EDNRB: variants seen among roughly 807,000 people sequenced by gnomAD.
EDNRB encodes the protein endothelin receptor type B.
Under a neutral mutation model 46.4 loss-of-function variants are expected in EDNRB, and 18 were observed. The observed-to-expected ratio is 0.39, with a 90% CI of 0.27 to 0.57. The LOEUF (loss-of-function observed/expected upper bound fraction) is 0.57, where lower values mean the gene tolerates loss of function less well. Among genes scored for constraint, EDNRB ranks in the 20% least tolerant of loss-of-function variants. The probability of loss-of-function intolerance (pLI) is 0.61; values close to 1 mark genes in which losing one functional copy is unlikely to be tolerated. For synonymous variants in EDNRB, 213 were observed against 204.9 expected, an observed-to-expected ratio of 1.04 and a Z score of -0.34; for missense variants, 434 against 537.5, an observed-to-expected ratio of 0.81 and a Z score of 1.90.
chr13:77,904,610 T>C (rs1327166923), intron 1 of EDNRB, among the ~76,000 whole-genome samples: 1 of 151,116 alleles, frequency 6.6e-6, no homozygotes, highest in East Asian at 2.1e-4. Flanking sequence ...TAGTATGTTA[T>C]ATATATATAG....
chr13:77,899,660 GC>G, intron 6 of EDNRB, 198 bp downstream of exon 6: 1 of 524,600 alleles, frequency 1.9e-6, no homozygotes. Context: ...GTAGGGAGTG[GC>G]TGACTAGGAT....
chr13:77,954,801 C>T (rs1438831392), intron 1 of EDNRB, among the ~76,000 whole-genome samples: 1 of 152,066 alleles, frequency 6.6e-6, no homozygotes, highest in Non-Finnish European at 1.5e-5. Flanking sequence ...GCCAACATGC[C>T]CAGCCAGGAT....
chr13:77,968,835 C>A (rs904987264), intron 1 of EDNRB, among the ~76,000 whole-genome samples: 4 of 152,074 alleles, frequency 2.6e-5, no homozygotes, highest in African/African-American at 9.7e-5. Flanking sequence ...TGTACTGCTC[C>A]TTAAAAATAA....
intron 1 of EDNRB, among the ~76,000 whole-genome samples, chr13:77,909,996 T>C (rs7982910): frequency 0.35 from 53,035 of 151,740 alleles, 11,241 homozygotes; most frequent in Non-Finnish European, 0.49. Context: ...CAAAAATTCC[T>C]CTCCCACCCT....
At chr13:77,955,488 T>C (rs191161918) in intron 1 of EDNRB, among the ~76,000 whole-genome samples, 2 of 152,316 alleles carry the variant, frequency 1.3e-5, no homozygotes, top group Admixed American at 1.3e-4. Context: ...ATCCCACTTG[T>C]CTATTTTGGC....
At chr13:77,975,066 T>G (rs1881847625) in intron 1 of EDNRB, among the ~76,000 whole-genome samples, 1 of 151,458 alleles carries the variant, frequency 6.6e-6, no homozygotes. Context: ...AAAATCAGAG[T>G]ATCCAGAAAT....
chr13:77,909,233 G>T (rs1879448562), intron 1 of EDNRB, among the ~76,000 whole-genome samples: 1 of 151,988 alleles, frequency 6.6e-6, no homozygotes, highest in African/African-American at 2.4e-5. Context: ...CAAGGCAAGA[G>T]AATCCAAATA....
intron 3 of EDNRB, 42 bp downstream of exon 3, chr13:77,903,114 T>A (rs768394514): frequency 8.1e-6 from 13 of 1,602,328 alleles, no homozygotes; most frequent in Non-Finnish European, 1.0e-5. Flanking sequence ...TAAATATTTA[T>A]AAGGCAAGAG....
chr13:77,924,830 T>A (rs192624420), intron 1 of EDNRB, among the ~76,000 whole-genome samples: 3 of 152,292 alleles, frequency 2.0e-5, no homozygotes, highest in Admixed American at 1.3e-4. Context: ...CGAGATCTGA[T>A]GGTTTTAAAA....
At chr13:77,930,615 T>TA (rs1163121751) in intron 1 of EDNRB, among the ~76,000 whole-genome samples, 3 of 152,202 alleles carry the variant, frequency 2.0e-5, no homozygotes, top group African/African-American at 7.2e-5. Context: ...ACAGTAGACA[T>TA]AAACCATGCA....
At chr13:77,931,744 C>CAAAAAAAAAAAAAAAAAAAAA (rs67176737) in intron 1 of EDNRB, among the ~76,000 whole-genome samples, 22 of 83,398 alleles carry the variant, frequency 2.6e-4, no homozygotes, top group East Asian at 7.0e-4. Flanking sequence ...ACTGTAGTAG[C>CAAAAAAAAAAAAAAAAAAAAA]AAAAAAAAAA....
intron 1 of EDNRB, among the ~76,000 whole-genome samples, chr13:77,967,717 G>A (rs762539870): frequency 1.3e-5 from 2 of 152,184 alleles, no homozygotes; most frequent in Non-Finnish European, 2.9e-5. Context: ...TAAAAGGCTA[G>A]TTTTTTAGTA....
At chr13:77,936,096 ATTAGGT>A (rs1880554889) in intron 1 of EDNRB, among the ~76,000 whole-genome samples, 1 of 152,096 alleles carries the variant, frequency 6.6e-6, no homozygotes, top group Non-Finnish European at 1.5e-5. Context: ...GATAAGAGTG[ATTAGGT>A]TTTAATGGGA....
intron 3 of EDNRB, 124 bp from the exon 4 acceptor site, chr13:77,901,331 A>C: frequency 9.7e-7 from 1 of 1,032,080 alleles, no homozygotes; most frequent in East Asian, 2.6e-5. Flanking sequence ...CAGTTTGTAT[A>C]TATCATACAG....
chr13:77,900,273 C>T (rs1878883091), intron 5 of EDNRB, among the ~76,000 whole-genome samples: 1 of 151,772 alleles, frequency 6.6e-6, no homozygotes, highest in Non-Finnish European at 1.5e-5. Context: ...GTTGGAGAAT[C>T]GGACCTGACA....
intron 1 of EDNRB, among the ~76,000 whole-genome samples, chr13:77,955,927 C>T (rs1881226585): frequency 6.6e-6 from 1 of 151,660 alleles, no homozygotes; most frequent in Non-Finnish European, 1.5e-5. Context: ...GTTTTAATCA[C>T]AGTAGTTTTT....
chr13:77,963,568 T>C (rs1463971886), intron 1 of EDNRB, among the ~76,000 whole-genome samples: 3 of 152,158 alleles, frequency 2.0e-5, no homozygotes, highest in Non-Finnish European at 4.4e-5. Context: ...GCTAGCCATA[T>C]GTAGAAAGCT....
At chr13:77,924,588 C>T (rs773280419), upstream of EDNRB, among the ~76,000 whole-genome samples, 3 of 152,100 alleles carry the variant, frequency 2.0e-5, no homozygotes, top group Non-Finnish European at 4.4e-5. Context: ...TTTAAGTGTA[C>T]ACTTCAATTG....
At chr13:77,919,682 C>T (rs75515470), upstream of EDNRB, 2,371 of 1,462,942 alleles carry the variant, frequency 1.6e-3, 20 homozygotes, top group African/African-American at 0.02. Flanking sequence ...AACCTTTCCC[C>T]TTGGGCGATG....
Sources: allele counts gnomAD v4.1 joint callset (sites outside exome capture counted in the v4.1 genomes callset), GRCh38; gene constraint gnomAD v4.1.1; transcripts MANE v1.5; gene names NCBI Gene and HGNC (gene_info 2026-07-23, HGNC 2026-07-21).